WIPI2: variants seen among roughly 807,000 people sequenced by gnomAD.
WIPI2 encodes WD repeat domain phosphoinositide-interacting protein 2.
In WIPI2, 28 loss-of-function variants were observed where a neutral mutation model predicts 52.3. That is an observed-to-expected ratio of 0.54 (90% confidence interval 0.40 to 0.73). The LOEUF is 0.73. Ranked by LOEUF, WIPI2 falls within the 30% of genes least tolerant of loss-of-function variation. The pLI is 0.00. For synonymous variants in WIPI2, 268 were observed against 245.0 expected (o/e 1.09, Z -0.88); for missense variants, 506 against 602.9 (o/e 0.84, Z 1.68).
rs376153470 is a variant in WIPI2 at position 5,230,760 on chromosome 7, C to A, written c.1253-75C>A. The A allele has an allele frequency of 1.8e-6, 2 of 1,096,218 alleles. No homozygotes were observed. The highest frequency in any genetic ancestry group is 1.6e-5 in the South Asian group (1 of 62,314). 67.9% of individuals were successfully genotyped at this position (1,096,218 alleles called of 1,614,324 possible). ...AATATACACCAGTGTTTCCAAAACA[C>A]AGTCCTCAGTGTGTGTCATGGGGTC... is the stretch of plus-strand genomic sequence containing the variant. On this transcript the variant is annotated intron_variant, in intron 12 of 12. Coordinates refer to ENST00000288828, the MANE Select transcript of WIPI2 (RefSeq NM_015610.4). This position sits in a 1 kb window ranked among gnomAD's most constrained non-coding sequence, Gnocchi z 4.8.
chr7:5,207,643 G>T (rs991422536), intron 3 of WIPI2, among the ~76,000 whole-genome samples: 4 of 152,066 alleles, frequency 2.6e-5, no homozygotes, highest in Non-Finnish European at 5.9e-5. Context: ...TATTGTAGTG[G>T]AATTGTTGGC....
At chr7:5,216,155 G>GGCT (rs1562399018) in intron 4 of WIPI2, 9 of 122,888 alleles carry the variant, frequency 7.3e-5, no homozygotes, top group Non-Finnish European at 1.5e-4. Flanking sequence ...TTCTAACATT[G>GGCT]GTCTGCATGG....
rs1422935167 is a variant in WIPI2, at chr7:5,230,046, T to C, written c.1252+308T>C. The stretch of plus-strand genomic sequence containing the variant: ...CCTCAGCCTCCCACAGTGCTGGGAT[T>C]ATAGGCATGAGCCACCGTACCAGGC... On this transcript the variant is annotated intron_variant, in intron 12 of 12. Coordinates refer to ENST00000288828, the MANE Select transcript of WIPI2 (RefSeq NM_015610.4). The surrounding 1 kb of genome is among the most constrained non-coding windows in gnomAD (Gnocchi z 4.8). 6.6e-6 allele frequency among the ~76,000 whole-genome samples: 1 copy of C among 151,874 alleles called. No homozygotes were observed. The highest frequency in any genetic ancestry group is 6.6e-5 in the Admixed American group (1 of 15,244).
intron 9 of WIPI2, chr7:5,226,849 TAC>T (rs1340034078): frequency 5.4e-6 from 1 of 185,072 alleles, no homozygotes; most frequent in Non-Finnish European, 1.1e-5. Context: ...AGACTTCTAT[TAC>T]AGAGACCTAG....
chr7:5,203,824 C>T (rs1426196934), intron 3 of WIPI2, among the ~76,000 whole-genome samples: 3 of 151,776 alleles, frequency 2.0e-5, no homozygotes, highest in Non-Finnish European at 2.9e-5. Context: ...AGGGTTTCAC[C>T]GTGTTAGCCA....
chr7:5,197,111 C>CAAAAAAAAAAAAAAAAAAAAAA (rs1562384541), intron 2 of WIPI2, among the ~76,000 whole-genome samples: 2 of 56,428 alleles, frequency 3.5e-5, no homozygotes, highest in African/African-American at 9.8e-5. Context: ...GACTCCGTCT[C>CAAAAAAAAAAAAAAAAAAAAAA]AAAAAACAAA....
intron 2 of WIPI2, among the ~76,000 whole-genome samples, chr7:5,199,330 C>T (rs1018935710): frequency 6.6e-5 from 10 of 152,244 alleles, no homozygotes; most frequent in African/African-American, 2.4e-4. Context: ...GCATGAGCCA[C>T]CACATCCAGC....
In WIPI2 at chr7:5,226,987, G is replaced by A. The variant is rs182169569; in HGVS notation, c.849-193G>A. 248 of 691,908 alleles carry A rather than the reference G, an allele frequency of 3.6e-4. 2 individuals are homozygous for A. In the East Asian group the frequency reaches 5.8e-3, roughly 16 times the overall value. The allele number at this position is 691,908 out of a possible 1,614,324, so 42.9% of individuals were successfully genotyped here. ...CCTGAAGCCTGAGCACCCCTCCCCC[G>A]ACACCTCCCAGAGGAAGCTCCGTGA... On this transcript the variant is annotated intron_variant, in intron 9 of 12. Transcript: ENST00000288828.
At chr7:5,215,989 A>G (rs1038323842) in intron 4 of WIPI2, among the ~76,000 whole-genome samples, 13 of 152,232 alleles carry the variant, frequency 8.5e-5, no homozygotes, top group African/African-American at 3.1e-4. Context: ...ATCTATTCAC[A>G]GCACACTTGT....
intron 3 of WIPI2, among the ~76,000 whole-genome samples, chr7:5,200,265 A>G (rs1287211391): frequency 6.6e-6 from 1 of 152,226 alleles, no homozygotes; most frequent in African/African-American, 2.4e-5. Context: ...TGTACTTAAC[A>G]GTGTGCAAAA....
rs550228690 is a variant in WIPI2, at chr7:5,227,121, G to A, written c.849-59G>A. ...AGAGCTGTGCGTCTGTGTGAGTAGGGGGTGGCCGTCCCCCCAGGGAGGGTG... is the reference window on the plus strand; with the variant it reads ...AGAGCTGTGCGTCTGTGTGAGTAGGAGGTGGCCGTCCCCCCAGGGAGGGTG... On this transcript the variant is annotated intron_variant, in intron 9 of 12. Coordinates refer to ENST00000288828, the MANE Select transcript of WIPI2 (RefSeq NM_015610.4). This position sits in a 1 kb window ranked among gnomAD's most constrained non-coding sequence, Gnocchi z 8.1. The A allele has an allele frequency of 1.9e-6, 3 of 1,601,932 alleles. No homozygotes were observed. The highest frequency in any genetic ancestry group is 2.2e-5 in the South Asian group (2 of 90,118).
chr7:5,227,118 AGG>A lies in WIPI2; in HGVS notation c.849-58_849-57del. 1 of 1,597,174 alleles carries A rather than the reference AGG, an allele frequency of 6.3e-7. No homozygotes were observed. The highest frequency in any genetic ancestry group is 8.5e-7 in the Non-Finnish European group (1 of 1,170,294). ...TCCAGAGCTGTGCGTCTGTGTGAGT[AGG>A]GGGTGGCCGTCCCCCCAGGGAGGGT... On this transcript the variant is annotated intron_variant, in intron 9 of 12. Transcript: ENST00000288828. This position sits in a 1 kb window ranked among gnomAD's most constrained non-coding sequence, Gnocchi z 8.1.
intron 11 of WIPI2, among the ~76,000 whole-genome samples, chr7:5,228,871 G>A (rs1783576859): frequency 6.6e-6 from 1 of 152,078 alleles, no homozygotes. Context: ...TGGGACTACA[G>A]GCACACAGCA....
intron 3 of WIPI2, among the ~76,000 whole-genome samples, chr7:5,209,858 C>G (rs558353831): frequency 6.6e-6 from 1 of 152,204 alleles, no homozygotes; most frequent in African/African-American, 2.4e-5. Flanking sequence ...TGCATATCCC[C>G]CAGCCCCTCC....
intron 3 of WIPI2, 159 bp from the exon 4 acceptor site, chr7:5,214,376 C>G (rs1295471438): frequency 6.2e-7 from 1 of 1,600,746 alleles, no homozygotes; most frequent in South Asian, 1.1e-5. Context: ...CCCTCAGACC[C>G]CCGGGCTGTC....
At chr7:5,206,012 A>G (rs957545677) in intron 3 of WIPI2, among the ~76,000 whole-genome samples, 8 of 150,790 alleles carry the variant, frequency 5.3e-5, no homozygotes, top group African/African-American at 2.0e-4. Flanking sequence ...CTGGACTGTC[A>G]TTTGCCTTTT....
rs114844265 is a variant in WIPI2 at position 5,223,630 on chromosome 7, C to T, written c.740+958C>T. Among the ~76,000 whole-genome samples, 488 of 152,318 alleles carry T rather than the reference C, an allele frequency of 3.2e-3. 5 individuals carry two copies. The highest frequency in any genetic ancestry group is 0.015 in the South Asian group (70 of 4,826). On this transcript the variant is annotated intron_variant, in intron 8 of 12. Coordinates refer to ENST00000288828, the MANE Select transcript of WIPI2 (RefSeq NM_015610.4). ...TTCACCCAACCCCCTTCCTCACCCC[C>T]GTGGCCTGTGTGTGTGCTGATCCCG...
chr7:5,204,753 G>A (rs4129334), intron 3 of WIPI2, among the ~76,000 whole-genome samples: 19,403 of 151,840 alleles, frequency 0.13, 1,368 homozygotes, highest in East Asian at 0.32. Context: ...GTGCCAGCAC[G>A]GCTCACTGTA....
chr7:5,210,518 G>A (rs1782505698), intron 3 of WIPI2, among the ~76,000 whole-genome samples: 3 of 152,134 alleles, frequency 2.0e-5, no homozygotes, highest in African/African-American at 7.2e-5. Context: ...CAGGGCCCTG[G>A]GCCCACATCT....
Sources: gnomAD v4.1 joint callset for allele counts (sites outside exome capture counted in the v4.1 genomes callset) on GRCh38, gnomAD v4.1.1 for gene constraint, Gnocchi (gnomAD v3.1) non-coding constraint, MANE v1.5 for transcripts, NCBI Gene and HGNC (gene_info 2026-07-23, HGNC 2026-07-21) for gene names.